TNFRSF10A: variants seen among roughly 807,000 people sequenced by gnomAD.
TNFRSF10A encodes TNF receptor superfamily member 10a.
In TNFRSF10A, 44 loss-of-function variants were observed where a neutral mutation model predicts 42.8. The ratio of observed to expected loss-of-function variants is 1.03; its 90% confidence interval spans 0.81 to 1.32. The LOEUF is 1.32. Ranked by LOEUF, TNFRSF10A falls within the 40% of genes most tolerant of loss-of-function variation. The pLI is 0.00. For synonymous variants in TNFRSF10A, 259 were observed against 234.2 expected, an observed-to-expected ratio of 1.11 and a Z score of -0.97; for missense variants, 680 against 602.0, an observed-to-expected ratio of 1.13 and a Z score of -1.36.
Position 23,225,028 on chromosome 8 carries a change from C to T in TNFRSF10A, c.34G>A (p.Ala12Thr), listed in dbSNP as rs776475719. The T allele has an allele frequency of 5.7e-6, 9 of 1,570,088 alleles. No homozygotes were observed. In the East Asian group the frequency reaches 2.0e-4, roughly 36 times the overall value. Residue 12 changes from alanine to threonine, a missense_variant, in exon 1 of 10, where the codon GCG (alanine) becomes ACG (threonine). Physicochemically the swap from Ala to Thr is moderately conservative, Grantham distance 58. Transcript: ENST00000221132. Reference protein sequence around the residue: ...APPPARVHLGAFLAVTPNPGS... With the variant: ...APPPARVHLGTFLAVTPNPGS... ...GGATTCGGAGTCACTGCCAGGAACG[C>T]ACCTAGATGTACTCTAGCTGGTGGT...
chr8:23,199,898 C>T lies in TNFRSF10A; in HGVS notation c.819G>A (p.Lys273=). ...CIGSGCGGDP[K]CMDRVCFWRL... ...GAAATCAACTCACCCTGTCCATGCA[C>T]TTGGGGTCCCCTCCACAACCTAGAA... Residue 273 remains lysine (K), a synonymous_variant, in exon 7 of 10, where the codon AAG becomes AAA. Coordinates refer to ENST00000221132, the MANE Select transcript of TNFRSF10A (RefSeq NM_003844.4). 5 of 1,614,156 alleles carry T rather than the reference C, an allele frequency of 3.1e-6. No homozygotes were observed. Among genetic ancestry groups the T allele is most frequent in the Non-Finnish European group, 3.4e-6 (4 of 1,180,010 alleles).
Position 23,191,991 on chromosome 8 carries a change from C to T in TNFRSF10A, c.1110G>A (p.Lys370=). Residue 370 remains lysine, a synonymous_variant, in exon 10 of 10, where the codon AAG becomes AAA. Coordinates refer to ENST00000221132, the MANE Select transcript of TNFRSF10A (RefSeq NM_003844.4). ...AGTCAAAGGGCACGATGTTTGCAAACTTGTCAAAGAACAGCATCAGAGCTG... is the reference window on the plus strand; with the variant it reads ...AGTCAAAGGGCACGATGTTTGCAAATTTGTCAAAGAACAGCATCAGAGCTG... The part of the protein sequence containing the change: ...PTETLMLFFD[K]FANIVPFDSW... 1 of 1,613,962 alleles carries T rather than the reference C, an allele frequency of 6.2e-7. No individual in the cohort carries two copies. Among genetic ancestry groups the T allele is most frequent in the Non-Finnish European group, 8.5e-7 (1 of 1,180,002 alleles).
At chr8:23,205,616 C>T (rs2128849033) in intron 2 of TNFRSF10A, among the ~76,000 whole-genome samples, 1 of 152,100 alleles carries the variant, frequency 6.6e-6, no homozygotes, top group East Asian at 1.9e-4. Flanking sequence ...GTGTGTCTGC[C>T]CCTGAAGATC....
Position 23,224,859 on chromosome 8 carries a change from GC to G in TNFRSF10A, c.202del (p.Ala68ProfsTer175). The G allele has an allele frequency of 6.4e-7, 1 of 1,570,058 alleles. No individual in the cohort carries two copies. ...SMGQHGPSAR[A>X]RAGRAPGPRP... is the part of the protein sequence containing the mutation. ...GGGTCCTGGGGCGCGCCCTGCCCGG[GC>G]CCGGGCACTGGGTCCGTGCTGTCCC... On this transcript the variant is annotated frameshift_variant, in exon 1 of 10. Coordinates refer to ENST00000221132, the MANE Select transcript of TNFRSF10A (RefSeq NM_003844.4). LOFTEE classifies it high-confidence loss of function.
At chr8:23,215,109 T>G (rs1298285382) in intron 1 of TNFRSF10A, among the ~76,000 whole-genome samples, 2 of 152,240 alleles carry the variant, frequency 1.3e-5, no homozygotes, top group Admixed American at 1.3e-4. Context: ...AAGGGTGATG[T>G]GCGTTCTGTG....
rs1477359136 is a variant in TNFRSF10A, at chr8:23,191,938, T to A, written c.1163A>T (p.Asp388Val). The change falls in exon 10 of 10, where the codon GAC (aspartate) becomes GTC (valine). Residue 388 changes from aspartate to valine, a missense_variant. Asp to Val is a radical substitution (Grantham distance 152). Coordinates refer to ENST00000221132, the MANE Select transcript of TNFRSF10A (RefSeq NM_003844.4). ...CACATCGATCTCATTTTTCGTGAGG[T>A]CCAGCTGCCTCATGAGCTGGTCCCA... is the stretch of plus-strand genomic sequence containing the variant. ...DSWDQLMRQL[D>V]LTKNEIDVVR... 5 of 1,614,148 alleles carry A rather than the reference T, an allele frequency of 3.1e-6. No individual in the cohort carries two copies. Among genetic ancestry groups the A allele is most frequent in the Non-Finnish European group, 4.2e-6 (5 of 1,180,028 alleles).
intron 3 of TNFRSF10A, 115 bp downstream of exon 3, chr8:23,202,533 G>A: frequency 2.6e-6 from 2 of 757,002 alleles, no homozygotes; most frequent in Non-Finnish European, 4.8e-6. Flanking sequence ...CATGGAACAG[G>A]GTATGATGAA....
intron 9 of TNFRSF10A, among the ~76,000 whole-genome samples, chr8:23,192,960 C>A (rs1800776332): frequency 6.6e-6 from 1 of 152,136 alleles, no homozygotes; most frequent in African/African-American, 2.4e-5. Flanking sequence ...GGATGTGGGA[C>A]CCCTCATTCA....
intron 8 of TNFRSF10A, 42 bp from the exon 9 acceptor site, chr8:23,197,246 T>C (rs1336635335): frequency 1.2e-6 from 2 of 1,611,920 alleles, no homozygotes; most frequent in South Asian, 1.1e-5. Flanking sequence ...GAGTCAGGGG[T>C]CCTGCAGTCT....
intron 1 of TNFRSF10A, among the ~76,000 whole-genome samples, chr8:23,224,197 G>A (rs1432427381): frequency 6.6e-6 from 1 of 151,492 alleles, no homozygotes; most frequent in Non-Finnish European, 1.5e-5. Context: ...CTACTCGGGA[G>A]GCTGAGGCAG....
At chr8:23,199,210 G>C in intron 8 of TNFRSF10A, 56 bp downstream of exon 8, 1 of 1,578,976 alleles carries the variant, frequency 6.3e-7, no homozygotes, top group South Asian at 1.1e-5. Context: ...GGAGAGCCGA[G>C]GCATGGCCTT....
chr8:23,191,765 C>T lies in TNFRSF10A; in HGVS notation c.1336G>A (p.Asp446Asn). The change falls in exon 10 of 10, where the codon GAC (aspartate) becomes AAC (asparagine). Residue 446 changes from aspartate (D) to asparagine (N), a missense_variant. By Grantham distance (23) the Asp-to-Asn change is conservative (BLOSUM62 1). Coordinates refer to ENST00000221132, the MANE Select transcript of TNFRSF10A (RefSeq NM_003844.4). ...EERHAREKIQ[D>N]LLVDSGKFIY... ...AACTTTCCAGAGTCCACCAAGAGGT[C>T]CTGAATCTTCTCTCTTGCATGTCTC... The T allele has an allele frequency of 1.9e-6, 3 of 1,614,184 alleles. No individual in the cohort carries two copies. Among genetic ancestry groups the T allele is most frequent in the African/African-American group, 2.7e-5 (2 of 75,042 alleles).
rs1419424668 is a variant in TNFRSF10A, at chr8:23,220,300, A to G, written c.306+4456T>C. On this transcript the variant is annotated intron_variant, in intron 1 of 9. Transcript: ENST00000221132. ...TCCCTGGGTTAGGAAAATACCCTGA[A>G]TGAAGATGTGCAGTCTCTGGCTGGG... Among the ~76,000 whole-genome samples the G allele has an allele frequency of 2.0e-5, 3 of 152,330 alleles. No individual in the cohort carries two copies. The East Asian group carries it at 5.8e-4, about 29-fold the overall frequency.
rs560216495 is a variant in TNFRSF10A at position 23,216,096 on chromosome 8, G to A, written c.307-3884C>T. Among the ~76,000 whole-genome samples the A allele has an allele frequency of 2.3e-4, 35 of 152,140 alleles. No individual in the cohort carries two copies. The South Asian group carries it at 7.1e-3, about 31-fold the overall frequency. The stretch of plus-strand genomic sequence containing the variant: ...GCCTCCCAAAGTGCTGGGATTACAG[G>A]GATGAGCCATCTCGTCCGGCCAGTT... On this transcript the variant is annotated intron_variant, in intron 1 of 9. Coordinates refer to ENST00000221132, the MANE Select transcript of TNFRSF10A (RefSeq NM_003844.4).
At chr8:23,207,729 T>G (rs1801037807) in intron 2 of TNFRSF10A, among the ~76,000 whole-genome samples, 1 of 150,288 alleles carries the variant, frequency 6.7e-6, no homozygotes, top group Non-Finnish European at 1.5e-5. Flanking sequence ...TAAGGGGGAG[T>G]TTTCCTGCAC....
chr8:23,207,435 C>T (rs1394897050), intron 2 of TNFRSF10A: 2 of 476,240 alleles, frequency 4.2e-6, no homozygotes, highest in African/African-American at 2.0e-5. Context: ...AAGTTGAGGC[C>T]CAGATGCCTT....
In TNFRSF10A at chr8:23,191,702, A is replaced by G. The variant is rs1004590069; in HGVS notation, c.1399T>C (p.Leu467=). 1 of 1,612,942 alleles carries G rather than the reference A, an allele frequency of 6.2e-7. No individual in the cohort carries two copies. Among genetic ancestry groups the G allele is most frequent in the African/African-American group, 1.3e-5 (1 of 74,848 alleles). Residue 467 remains leucine, a synonymous_variant, in exon 10 of 10, where the codon TTG becomes CTG. Coordinates refer to ENST00000221132, the MANE Select transcript of TNFRSF10A (RefSeq NM_003844.4). ...LEDGTGSAVS[L]E ...CTGGTAAAAAGAGTCTTTCACTCCA[A>G]GGACACGGCAGAGCCTGTGCCATCT... is the stretch of plus-strand genomic sequence containing the variant.
intron 4 of TNFRSF10A, among the ~76,000 whole-genome samples, chr8:23,201,151 C>G (rs2128847919): frequency 6.6e-6 from 1 of 152,328 alleles, no homozygotes; most frequent in East Asian, 1.9e-4. Flanking sequence ...GCCCTCGCCC[C>G]CACCTGTCTG....
At chr8:23,218,047 C>T (rs556051141) in intron 1 of TNFRSF10A, among the ~76,000 whole-genome samples, 2 of 152,238 alleles carry the variant, frequency 1.3e-5, no homozygotes, top group Admixed American at 6.5e-5. Flanking sequence ...TGGGACACAA[C>T]TCTGAGGTTT....
Sources: gnomAD v4.1 joint callset for allele counts (sites outside exome capture counted in the v4.1 genomes callset) on GRCh38, gnomAD v4.1.1 for gene constraint, MANE v1.5 for transcripts, NCBI Gene and HGNC (gene_info 2026-07-23, HGNC 2026-07-21) for gene names.